Variants in PCSK2 observed in about 807,000 individuals in gnomAD.
The protein encoded by PCSK2 is proprotein convertase subtilisin/kexin type 2, also known as neuroendocrine convertase 2.
A neutral mutation model predicts 69.7 loss-of-function variants in PCSK2; 14 were observed. That is an observed-to-expected ratio of 0.20 (90% CI 0.13 to 0.31). The LOEUF is 0.31. Ranked by LOEUF, PCSK2 falls within the 10% of genes least tolerant of loss-of-function variation. PCSK2 has a pLI of 1.00. For missense variants in PCSK2, 544 were observed against 842.5 expected (o/e 0.65, Z 4.39); for synonymous variants, 307 against 320.7 (o/e 0.96, Z 0.46).
At chr20:17,278,961 G>A (rs1002332052) in intron 2 of PCSK2, among the ~76,000 whole-genome samples, 2 of 151,806 alleles carry the variant, frequency 1.3e-5, no homozygotes, top group African/African-American at 2.4e-5. Context: ...TCCCCTAAAC[G>A]ATCCATTGCT....
chr20:17,347,719 A>G (rs1990686496), intron 2 of PCSK2, among the ~76,000 whole-genome samples: 1 of 151,472 alleles, frequency 6.6e-6, no homozygotes, highest in African/African-American at 2.4e-5. Flanking sequence ...GAGACAGAGG[A>G]TATGTGGAAC....
intron 2 of PCSK2, among the ~76,000 whole-genome samples, chr20:17,323,792 C>T: frequency 6.6e-6 from 1 of 152,222 alleles, no homozygotes; most frequent in Non-Finnish European, 1.5e-5. Flanking sequence ...TAAAAGCCAG[C>T]CAGTGTTTTA....
intron 7 of PCSK2, among the ~76,000 whole-genome samples, chr20:17,435,698 A>T (rs1336105667): frequency 6.6e-6 from 1 of 152,076 alleles, no homozygotes; most frequent in Non-Finnish European, 1.5e-5. Context: ...GGGTGGAAAG[A>T]CTCAGGTCAG....
intron 1 of PCSK2, among the ~76,000 whole-genome samples, chr20:17,241,242 C>A (rs898366132): frequency 2.6e-5 from 4 of 152,052 alleles, no homozygotes; most frequent in Non-Finnish European, 5.9e-5. Context: ...TAAAGAAAAC[C>A]ACAGGATGTG....
At chr20:17,235,073 G>C (rs1480868847) in intron 1 of PCSK2, among the ~76,000 whole-genome samples, 2 of 152,164 alleles carry the variant, frequency 1.3e-5, no homozygotes, top group Non-Finnish European at 2.9e-5. Context: ...ATGTATAGTT[G>C]TGTATTAATG....
Position 17,453,055 on chromosome 20 carries a change from C to T in PCSK2, c.886-687C>T, listed in dbSNP as rs576152307. Among the ~76,000 whole-genome samples the T allele has an allele frequency of 3.3e-5, 5 of 152,244 alleles. No individual in the cohort carries two copies. Among genetic ancestry groups the T allele is most frequent in the South Asian group, 4.2e-4 (2 of 4,816 alleles). On this transcript the variant is annotated intron_variant, in intron 8 of 11. Coordinates refer to ENST00000262545, the MANE Select transcript of PCSK2 (RefSeq NM_002594.5). The surrounding 1 kb of genome is among the most constrained non-coding windows in gnomAD (Gnocchi z 4.0). ...TCCTCCTACATTTGGAGTTCCCTTGCTCAAGTAAAATGTCATATATTATGT... is the reference window on the plus strand; with the variant it reads ...TCCTCCTACATTTGGAGTTCCCTTGTTCAAGTAAAATGTCATATATTATGT...
chr20:17,371,042 G>A (rs763270943), intron 5 of PCSK2, among the ~76,000 whole-genome samples: 4 of 152,174 alleles, frequency 2.6e-5, no homozygotes, highest in Non-Finnish European at 5.9e-5. Context: ...GCCTCACAGG[G>A]CAGCCACGTG....
At chr20:17,429,334 C>T (rs991165677) in intron 6 of PCSK2, 101 bp from the exon 7 acceptor site, 6 of 822,070 alleles carry the variant, frequency 7.3e-6, no homozygotes, top group East Asian at 2.4e-5. Context: ...GTATATGATA[C>T]GCAGATTTCA....
At position 17,313,434 on chromosome 20, in the gene PCSK2, C is replaced by A. The variant is rs186294507; in HGVS notation, c.283-44893C>A. On this transcript the variant is annotated intron_variant, in intron 2 of 11. Transcript: ENST00000262545. The stretch of plus-strand genomic sequence containing the variant: ...CATCACCAGAAGAGACCCCCAAGAG[C>A]AAATCATATTTTTGTTTCCAAGAGG... Among the ~76,000 whole-genome samples, 15 of 152,178 alleles carry A rather than the reference C, an allele frequency of 9.9e-5. No individual in the cohort carries two copies. In the East Asian group the frequency reaches 2.7e-3, roughly 27 times the overall value.
intron 1 of PCSK2, among the ~76,000 whole-genome samples, chr20:17,254,161 T>C (rs1026872854): frequency 6.6e-6 from 1 of 152,212 alleles, no homozygotes; most frequent in Non-Finnish European, 1.5e-5. Context: ...CTGTGGGTTG[T>C]CTTTTCGTTT....
At chr20:17,349,405 C>T (rs58126832) in intron 2 of PCSK2, among the ~76,000 whole-genome samples, 3,966 of 152,266 alleles carry the variant, frequency 0.026, 166 homozygotes, top group African/African-American at 0.088. Flanking sequence ...AAGCGTGAAA[C>T]GAAACTTCCC....
chr20:17,255,444 C>A (rs1170957347), intron 1 of PCSK2, among the ~76,000 whole-genome samples: 1 of 151,940 alleles, frequency 6.6e-6, no homozygotes, highest in South Asian at 2.1e-4. Flanking sequence ...CGGGTTCATG[C>A]CATTCTCCTG....
chr20:17,463,726 G>A (rs2033052563), intron 10 of PCSK2: 1 of 144,724 alleles, frequency 6.9e-6, no homozygotes, highest in African/African-American at 2.6e-5. Flanking sequence ...GTCCAAGTGT[G>A]GAACTTGCTT....
At chr20:17,251,071 G>A (rs1481311800) in intron 1 of PCSK2, among the ~76,000 whole-genome samples, 3 of 152,008 alleles carry the variant, frequency 2.0e-5, no homozygotes, top group African/African-American at 7.2e-5. Context: ...CTGCACTCCA[G>A]CCTGGGCAAA....
rs557151652 is a variant in PCSK2 at position 17,299,058 on chromosome 20, T to C, written c.282+38714T>C. Among the ~76,000 whole-genome samples, 16 of 152,344 alleles carry C rather than the reference T, an allele frequency of 1.1e-4. No homozygotes were observed. The East Asian group carries it at 3.1e-3, about 29-fold the overall frequency. ...GATACTTAATATTTCTAATTTTTAA[T>C]GTACAGAAAGTTTAAAAGTTTATTT... On this transcript the variant is annotated intron_variant, in intron 2 of 11. Transcript: ENST00000262545.
chr20:17,349,606 T>C (rs1380439078), intron 2 of PCSK2, among the ~76,000 whole-genome samples: 2 of 151,832 alleles, frequency 1.3e-5, no homozygotes, highest in African/African-American at 4.8e-5. Context: ...CCCATATGGA[T>C]GCGTCCTCAA....
At chr20:17,258,666 C>T (rs1460278869) in intron 1 of PCSK2, among the ~76,000 whole-genome samples, 1 of 151,936 alleles carries the variant, frequency 6.6e-6, no homozygotes, top group African/African-American at 2.4e-5. Flanking sequence ...CATGTACCCC[C>T]AAACCCAAAA....
intron 1 of PCSK2, 39 bp downstream of exon 1, chr20:17,227,521 G>C (rs1270665550): frequency 1.3e-6 from 2 of 1,502,260 alleles, no homozygotes; most frequent in Non-Finnish European, 1.8e-6. Flanking sequence ...GTTTCAAAAC[G>C]GGGGGACGGG....
intron 4 of PCSK2, among the ~76,000 whole-genome samples, chr20:17,366,233 C>A (rs1017207157): frequency 6.6e-6 from 1 of 152,224 alleles, no homozygotes; most frequent in African/African-American, 2.4e-5. Context: ...TCCTCGAGGT[C>A]TCCAGGACTG....
Sources: gnomAD v4.1 joint callset for allele counts (sites outside exome capture counted in the v4.1 genomes callset) on GRCh38, gnomAD v4.1.1 for gene constraint, Gnocchi (gnomAD v3.1) non-coding constraint, MANE v1.5 for transcripts, NCBI Gene and HGNC (gene_info 2026-07-23, HGNC 2026-07-21) for gene names.